Variants in ZCCHC24 observed in about 807,000 individuals in gnomAD.
ZCCHC24 encodes zinc finger CCHC-type containing 24.
In ZCCHC24, 10 loss-of-function variants were observed where a neutral mutation model predicts 26.2. The observed-to-expected ratio is 0.38, with a 90% CI of 0.24 to 0.65. The LOEUF is 0.65. Ranked by LOEUF, ZCCHC24 falls within the 30% of genes least tolerant of loss-of-function variation. The pLI is 0.54. For synonymous variants in ZCCHC24, 144 were observed against 147.1 expected (o/e 0.98, Z 0.15); for missense variants, 243 against 329.1 (o/e 0.74, Z 2.03).
intron 3 of ZCCHC24, among the ~76,000 whole-genome samples, chr10:79,387,327 C>T (rs1033352908): frequency 1.3e-5 from 2 of 152,138 alleles, no homozygotes; most frequent in Non-Finnish European, 2.9e-5. Context: ...TCCAGAGAGA[C>T]GTCTGGGAGT....
intron 1 of ZCCHC24, among the ~76,000 whole-genome samples, chr10:79,437,048 T>A (rs1179458308): frequency 6.6e-6 from 1 of 151,540 alleles, no homozygotes; most frequent in East Asian, 1.9e-4. Flanking sequence ...TATAGTTTAC[T>A]TTTTTTTTGA....
chr10:79,426,910 A>G (rs981189215), intron 2 of ZCCHC24, among the ~76,000 whole-genome samples: 1 of 152,232 alleles, frequency 6.6e-6, no homozygotes, highest in African/African-American at 2.4e-5. Context: ...CAGATTAGAC[A>G]ACAAAAAACA....
At chr10:79,434,878 T>C (rs1857193470) in intron 1 of ZCCHC24, among the ~76,000 whole-genome samples, 1 of 151,204 alleles carries the variant, frequency 6.6e-6, no homozygotes, top group Non-Finnish European at 1.5e-5. Context: ...TCCATGCCCG[T>C]GAAACAACAA....
Position 79,445,282 on chromosome 10 carries a change from C to A in ZCCHC24, c.159G>T (p.Leu53=). 2 of 1,475,846 alleles carry A rather than the reference C, an allele frequency of 1.4e-6. No individual in the cohort carries two copies. The highest frequency in any genetic ancestry group is 1.9e-4 in the Middle Eastern group (1 of 5,170). The allele number at this position is 1,475,846 out of a possible 1,614,324, so 91.4% of individuals were successfully genotyped here. ...GCTCGGGGCGGCCCTTGCCGAAGGC[C>A]AGCTCCGGGGGTGCGGCGCCGGCGG... ...EPTAGAAPPE[L]AFGKGRPEQL... Residue 53 remains leucine, a synonymous_variant, in exon 1 of 4, where the codon CTG becomes CTT. Coordinates refer to ENST00000372336, the MANE Select transcript of ZCCHC24 (RefSeq NM_153367.4).
chr10:79,412,663 C>T (rs546782042), intron 2 of ZCCHC24, among the ~76,000 whole-genome samples: 83 of 152,350 alleles, frequency 5.4e-4, no homozygotes, highest in African/African-American at 2.0e-3. Context: ...GGCCACCATC[C>T]ATCATGTGGC....
chr10:79,393,505 C>T (rs148409507), intron 3 of ZCCHC24, among the ~76,000 whole-genome samples: 39 of 152,288 alleles, frequency 2.6e-4, no homozygotes, highest in African/African-American at 9.4e-4. Context: ...GAGTTCAGTC[C>T]CCTCCCAGCT....
intron 2 of ZCCHC24, among the ~76,000 whole-genome samples, chr10:79,412,890 A>T (rs969442934): frequency 3.3e-5 from 5 of 152,206 alleles, no homozygotes; most frequent in Non-Finnish European, 7.3e-5. Context: ...ATGAGTACCA[A>T]GCACATGGCT....
In ZCCHC24 at chr10:79,441,347, A is replaced by G. The variant is rs541347156; in HGVS notation, c.246+3848T>C. On this transcript the variant is annotated intron_variant, in intron 1 of 3. Transcript: ENST00000372336. ...TACTCCTCTAAGGGTTTTAATGGCC[A>G]TGTCCATACAGAAGGGCTGGGCCCA... Among the ~76,000 whole-genome samples the G allele has an allele frequency of 8.5e-5, 13 of 152,222 alleles. No individual in the cohort carries two copies. In the East Asian group the frequency reaches 2.3e-3, roughly 27 times the overall value.
chr10:79,444,331 G>A, intron 1 of ZCCHC24: 3 of 1,320,936 alleles, frequency 2.3e-6, no homozygotes, highest in Non-Finnish European at 9.7e-7. Context: ...AGGGCTGGGA[G>A]GTGGTGGCGA....
intron 2 of ZCCHC24, among the ~76,000 whole-genome samples, chr10:79,398,218 T>C (rs1856573676): frequency 6.6e-6 from 1 of 152,184 alleles, no homozygotes. Context: ...AATTGTGGTC[T>C]CCAGGGCCAG....
intron 2 of ZCCHC24, among the ~76,000 whole-genome samples, chr10:79,420,549 C>A (rs367931540): frequency 6.6e-6 from 1 of 152,144 alleles, no homozygotes; most frequent in Non-Finnish European, 1.5e-5. Flanking sequence ...GAGGCCGAGG[C>A]GGGCAGATCA....
intron 2 of ZCCHC24, among the ~76,000 whole-genome samples, chr10:79,402,372 TC>T (rs1394472308): frequency 6.6e-6 from 1 of 152,182 alleles, no homozygotes; most frequent in Non-Finnish European, 1.5e-5. Flanking sequence ...ACCTCCCAGT[TC>T]CATGCCATTC....
chr10:79,441,236 G>A (rs962863200), intron 1 of ZCCHC24, among the ~76,000 whole-genome samples: 6 of 152,222 alleles, frequency 3.9e-5, no homozygotes, highest in Non-Finnish European at 7.4e-5. Context: ...CAGGCAGCCC[G>A]TGGGCTTATC....
At chr10:79,418,240 C>T (rs906968715) in intron 2 of ZCCHC24, among the ~76,000 whole-genome samples, 1 of 152,184 alleles carries the variant, frequency 6.6e-6, no homozygotes, top group Non-Finnish European at 1.5e-5. Context: ...CCTGTCTGAT[C>T]GCCTCTGGAT....
chr10:79,390,911 C>T (rs962296565), intron 3 of ZCCHC24, among the ~76,000 whole-genome samples: 12 of 152,044 alleles, frequency 7.9e-5, no homozygotes, highest in East Asian at 5.8e-4. Context: ...CTCTCCACCG[C>T]GGGGCAACAT....
At chr10:79,427,065 A>G (rs965575036) in intron 2 of ZCCHC24, among the ~76,000 whole-genome samples, 4 of 152,070 alleles carry the variant, frequency 2.6e-5, no homozygotes, top group African/African-American at 9.7e-5. Context: ...AATATACTTT[A>G]AAACAAAAAA....
chr10:79,396,749 C>T (rs1400612481), intron 2 of ZCCHC24, among the ~76,000 whole-genome samples: 1 of 152,196 alleles, frequency 6.6e-6, no homozygotes, highest in African/African-American at 2.4e-5. Context: ...GATGATGTTG[C>T]CATAGTAACT....
chr10:79,407,696 A>G (rs1383874800), intron 2 of ZCCHC24, among the ~76,000 whole-genome samples: 1 of 152,176 alleles, frequency 6.6e-6, no homozygotes, highest in Non-Finnish European at 1.5e-5. Flanking sequence ...ACAGCCCAGG[A>G]AACTGAGGCA....
intron 2 of ZCCHC24, among the ~76,000 whole-genome samples, chr10:79,411,403 C>T (rs1374137142): frequency 6.6e-6 from 1 of 152,168 alleles, no homozygotes; most frequent in Non-Finnish European, 1.5e-5. Context: ...CGGTGGCAGG[C>T]CAGGGCTTTC....
Sources: gnomAD v4.1 joint callset for allele counts (sites outside exome capture counted in the v4.1 genomes callset) on GRCh38, gnomAD v4.1.1 for gene constraint, MANE v1.5 for transcripts, NCBI Gene and HGNC (gene_info 2026-07-23, HGNC 2026-07-21) for gene names.